The following DCHS2 variants were observed in gnomAD, a reference collection of about 807,000 sequenced individuals.
The protein encoded by DCHS2 is protocadherin-23.
A neutral mutation model predicts 182.4 loss-of-function variants in DCHS2; 142 were observed. The observed-to-expected ratio is 0.78, with a 90% CI of 0.68 to 0.89. The LOEUF is 0.89. Among genes scored for constraint, DCHS2 ranks in the 40% least tolerant of loss-of-function variants. The pLI, the probability that DCHS2 is intolerant of heterozygous loss-of-function variation, is 0.00. For missense variants in DCHS2, 4,319 were observed against 4,198.6 expected (o/e 1.03, Z -0.79); for synonymous variants, 1,740 against 1,663.3 (o/e 1.05, Z -1.12).
chr4:154,326,973 T>C (rs1736309467), intron 7 of DCHS2, among the ~76,000 whole-genome samples: 1 of 152,172 alleles, frequency 6.6e-6, no homozygotes, highest in Non-Finnish European at 1.5e-5. Flanking sequence ...TTGTTAAGAA[T>C]TGTAATCTTT....
At chr4:154,445,344 T>C (rs562755305) in intron 1 of DCHS2, among the ~76,000 whole-genome samples, 2 of 152,356 alleles carry the variant, frequency 1.3e-5, no homozygotes, top group East Asian at 3.9e-4. Context: ...GGAAATCAAT[T>C]TCTTCAGGGC....
chr4:154,451,531 T>TA (rs1003105450), intron 1 of DCHS2, among the ~76,000 whole-genome samples: 1 of 152,178 alleles, frequency 6.6e-6, no homozygotes, highest in African/African-American at 2.4e-5. Context: ...TGACTCCTGC[T>TA]ATGTTATCTC....
intron 1 of DCHS2, among the ~76,000 whole-genome samples, chr4:154,454,479 A>T (rs1369241632): frequency 6.6e-6 from 1 of 152,218 alleles, no homozygotes; most frequent in Non-Finnish European, 1.5e-5. Flanking sequence ...TATTAACCCC[A>T]AATTAAATAT....
Position 154,234,368 on chromosome 4 carries a change from G to A in DCHS2, c.*168C>T. The A allele has an allele frequency of 1.1e-6, 1 of 942,768 alleles. No homozygotes were observed. The highest frequency in any genetic ancestry group is 3.1e-4 in the Middle Eastern group (1 of 3,204). 58.4% of individuals were successfully genotyped at this position (942,768 alleles called of 1,614,324 possible). On this transcript the variant is annotated 3_prime_UTR_variant, in exon 20 of 20. Transcript: ENST00000357232. ...AAAGAGGAAATAACTTTTCATTAAGGCTGGAAGAAATTGGAGAAACTTTAA... is the reference window on the plus strand; with the variant it reads ...AAAGAGGAAATAACTTTTCATTAAGACTGGAAGAAATTGGAGAAACTTTAA...
chr4:154,441,626 T>TAA (rs10683172), intron 1 of DCHS2, among the ~76,000 whole-genome samples: 68,211 of 149,486 alleles, frequency 0.46, 15,895 homozygotes, highest in Middle Eastern at 0.68. Flanking sequence ...TTCCCTGAAT[T>TAA]AAAAAAAAAA....
intron 16 of DCHS2, among the ~76,000 whole-genome samples, chr4:154,247,635 CAAAAAAAAAAAAA>C (rs67157369): frequency 3.5e-4 from 35 of 100,108 alleles, no homozygotes; most frequent in African/African-American, 1.2e-3. Context: ...GACTCCGTCT[CAAAAAAAAAAAAA>C]AAAAAAAAAA....
At chr4:154,386,304 C>T (rs1007362834) in intron 1 of DCHS2, among the ~76,000 whole-genome samples, 1 of 152,192 alleles carries the variant, frequency 6.6e-6, no homozygotes, top group African/African-American at 2.4e-5. Flanking sequence ...GTGGTCTCCT[C>T]GACAGTCCTG....
intron 14 of DCHS2, among the ~76,000 whole-genome samples, chr4:154,259,966 G>A (rs1732901505): frequency 6.6e-6 from 1 of 152,054 alleles, no homozygotes; most frequent in Non-Finnish European, 1.5e-5. Flanking sequence ...GGAGTTACAG[G>A]AACCCGCCAC....
intron 1 of DCHS2, among the ~76,000 whole-genome samples, chr4:154,451,396 TA>T (rs1180163253): frequency 6.6e-6 from 1 of 152,176 alleles, no homozygotes; most frequent in African/African-American, 2.4e-5. Flanking sequence ...TTCCAAGATA[TA>T]AAGTTGGGTG....
chr4:154,276,979 T>C (rs1040174753), intron 13 of DCHS2, among the ~76,000 whole-genome samples: 1 of 152,232 alleles, frequency 6.6e-6, no homozygotes, highest in Non-Finnish European at 1.5e-5. Context: ...AATAGGATTG[T>C]TCCTTTATGA....
At position 154,233,074 on chromosome 4, in the gene DCHS2, G is replaced by A. The variant is rs1731267975; in HGVS notation, c.*1462C>T. The A allele has an allele frequency of 6.6e-6, 1 of 152,132 alleles. No homozygotes were observed. Among genetic ancestry groups the A allele is most frequent in the African/African-American group, 2.4e-5 (1 of 41,432 alleles). 9.4% of individuals were successfully genotyped at this position (152,132 alleles called of 1,614,324 possible). On this transcript the variant is annotated 3_prime_UTR_variant, in exon 20 of 20. Transcript: ENST00000357232. The stretch of plus-strand genomic sequence containing the variant: ...AATTTCACAGATGAGGCCTATGGAA[G>A]AAGAACACAAAGGAACTATATCTGT...
In DCHS2 at chr4:154,319,483, T is replaced by C. The variant is rs183726648; in HGVS notation, c.5020+896A>G. ...ATAAAAAAACTCCTACAACTAAACA[T>C]AAAAAAACCCTAATTTTAAAATGGA... On this transcript the variant is annotated intron_variant, in intron 9 of 19. Coordinates refer to ENST00000357232, the MANE Select transcript of DCHS2 (RefSeq NM_001358235.2). 5.1e-3 allele frequency among the ~76,000 whole-genome samples: 767 copies of C among 151,262 alleles called. 10 individuals are homozygous for C. Among genetic ancestry groups the C allele is most frequent in the African/African-American group, 0.018 (737 of 41,288 alleles).
At position 154,366,236 on chromosome 4, in the gene DCHS2, G is replaced by A. The variant is rs768080461; in HGVS notation, c.2450C>T (p.Ser817Phe). Reference sequence around the variant, plus strand: ...TGTGGTGGAGTCAATGGTAAAAAGGGACGACACGTTTCCTGGAATAAGCTC... The same window carrying A: ...TGTGGTGGAGTCAATGGTAAAAAGGAACGACACGTTTCCTGGAATAAGCTC... ...AYELIPGNVS[S>F]LFTIDSTTGI... The change falls in exon 3 of 20, where the codon TCC (serine) becomes TTC (phenylalanine). Residue 817 changes from serine to phenylalanine, a missense_variant. Physicochemically the swap from Ser to Phe is radical, Grantham distance 155. Transcript: ENST00000357232. 6 of 1,613,634 alleles carry A rather than the reference G, an allele frequency of 3.7e-6. No homozygotes were observed. In the East Asian group the frequency reaches 1.1e-4, roughly 30 times the overall value.
At position 154,301,088 on chromosome 4, in the gene DCHS2, C is replaced by T. The variant is rs367631602; in HGVS notation, c.5606-2380G>A. Among the ~76,000 whole-genome samples the T allele has an allele frequency of 6.6e-5, 10 of 152,140 alleles. No homozygotes were observed. In the East Asian group the frequency reaches 1.9e-3, roughly 29 times the overall value. On this transcript the variant is annotated intron_variant, in intron 12 of 19. Transcript: ENST00000357232. ...TGGAATTTATCTTTCCCACATTCAC[C>T]TTTATAAGCACTCTTCTTGCAAATT...
chr4:154,423,442 C>T (rs559595235), intron 1 of DCHS2, among the ~76,000 whole-genome samples: 26 of 152,302 alleles, frequency 1.7e-4, no homozygotes, highest in African/African-American at 4.6e-4. Context: ...GTTGTCTCTC[C>T]TGCTAAAATG....
At chr4:154,246,813 A>G (rs1732094724) in intron 16 of DCHS2, among the ~76,000 whole-genome samples, 1 of 152,064 alleles carries the variant, frequency 6.6e-6, no homozygotes. Context: ...TTCAGGAAAT[A>G]TCTTCCCAAA....
At chr4:154,302,803 T>TATATGAAA (rs377026176) in intron 12 of DCHS2, among the ~76,000 whole-genome samples, 2 of 76,654 alleles carry the variant, frequency 2.6e-5, no homozygotes, top group African/African-American at 6.8e-5. Flanking sequence ...ATATATATAC[T>TATATGAAA]TATATATATT....
At chr4:154,248,981 T>A (rs1732218038) in intron 16 of DCHS2, among the ~76,000 whole-genome samples, 1 of 152,042 alleles carries the variant, frequency 6.6e-6, no homozygotes, top group Non-Finnish European at 1.5e-5. Flanking sequence ...GCTATAGAAA[T>A]CCTAGAAGAA....
chr4:154,412,900 C>T (rs1026904813), intron 1 of DCHS2, among the ~76,000 whole-genome samples: 1 of 152,102 alleles, frequency 6.6e-6, no homozygotes, highest in Non-Finnish European at 1.5e-5. Context: ...TTACTTATTG[C>T]AACTATGCAA....
Sources: allele counts gnomAD v4.1 joint callset (sites outside exome capture counted in the v4.1 genomes callset), GRCh38; gene constraint gnomAD v4.1.1; transcripts MANE v1.5; gene names NCBI Gene and HGNC (gene_info 2026-07-23, HGNC 2026-07-21).